Variants in SYT9 observed in about 807,000 individuals in gnomAD.
The protein encoded by SYT9 is synaptotagmin-9.
In SYT9, 22 loss-of-function variants were observed where a neutral mutation model predicts 48.4. The observed-to-expected ratio is 0.45, with a 90% confidence interval of 0.32 to 0.65. SYT9 has a LOEUF of 0.65. Among genes scored for constraint, SYT9 ranks in the 30% least tolerant of loss-of-function variants. The pLI is 0.03. For synonymous variants in SYT9, 265 were observed against 245.0 expected (o/e 1.08, Z -0.76); for missense variants, 577 against 622.0 (o/e 0.93, Z 0.77).
At chr11:7,402,304 A>G (rs1226816353) in intron 3 of SYT9, among the ~76,000 whole-genome samples, 1 of 152,010 alleles carries the variant, frequency 6.6e-6, no homozygotes, top group Admixed American at 6.6e-5. Context: ...CTGTTGTAGG[A>G]TGGAGTATTG....
At chr11:7,248,181 T>C (rs535021186), upstream of SYT9, among the ~76,000 whole-genome samples, 4 of 152,328 alleles carry the variant, frequency 2.6e-5, no homozygotes, top group South Asian at 2.1e-4. Context: ...TGTTTGTTTT[T>C]TTCGTGTTGA....
intron 3 of SYT9, among the ~76,000 whole-genome samples, chr11:7,337,532 T>C (rs1164621981): frequency 6.6e-6 from 1 of 152,066 alleles, no homozygotes; most frequent in Non-Finnish European, 1.5e-5. Flanking sequence ...TTTTGAAGTA[T>C]GTTCCTTCAA....
At chr11:7,379,922 C>T (rs1850529631) in intron 3 of SYT9, among the ~76,000 whole-genome samples, 1 of 152,078 alleles carries the variant, frequency 6.6e-6, no homozygotes, top group South Asian at 2.1e-4. Flanking sequence ...CCATATGATC[C>T]AGCAGTCCCA....
intron 1 of SYT9, among the ~76,000 whole-genome samples, chr11:7,240,343 T>C (rs909466211): frequency 1.3e-5 from 2 of 152,158 alleles, no homozygotes; most frequent in Admixed American, 6.5e-5. Flanking sequence ...TAAGTGAGTT[T>C]CACTGTCAAT....
At chr11:7,300,562 C>T (rs1848900088) in intron 1 of SYT9, among the ~76,000 whole-genome samples, 1 of 152,258 alleles carries the variant, frequency 6.6e-6, no homozygotes, top group Non-Finnish European at 1.5e-5. Flanking sequence ...TGTGCCCCTT[C>T]TCCAGCCTTT....
At chr11:7,333,987 C>T (rs972612523) in intron 3 of SYT9, among the ~76,000 whole-genome samples, 13 of 152,132 alleles carry the variant, frequency 8.5e-5, no homozygotes, top group Admixed American at 1.3e-4. Context: ...GCAAGCGCTT[C>T]CTGTGGCACC....
chr11:7,397,698 A>G (rs1023107256), intron 3 of SYT9, among the ~76,000 whole-genome samples: 19 of 152,054 alleles, frequency 1.2e-4, no homozygotes, highest in African/African-American at 4.1e-4. Flanking sequence ...TTCTCTCATC[A>G]ATGTTGGTAG....
At chr11:7,387,384 AAAG>A (rs1850683028) in intron 3 of SYT9, among the ~76,000 whole-genome samples, 1 of 152,172 alleles carries the variant, frequency 6.6e-6, no homozygotes, top group African/African-American at 2.4e-5. Flanking sequence ...ATAAAATAAA[AAAG>A]GCAATTTATT....
At chr11:7,431,922 T>C (rs56868017) in intron 6 of SYT9, among the ~76,000 whole-genome samples, 56,101 of 152,120 alleles carry the variant, frequency 0.37, 10,536 homozygotes, top group Middle Eastern at 0.47. Flanking sequence ...GCTGCAGGGG[T>C]TGAGCCCTCC....
At chr11:7,334,655 A>AATCCCCGCCACCC (rs1168253141) in intron 3 of SYT9, among the ~76,000 whole-genome samples, 1 of 139,358 alleles carries the variant, frequency 7.2e-6, no homozygotes, top group Non-Finnish European at 1.6e-5. Context: ...CCATCCCCCC[A>AATCCCCGCCACCC]ATCCCCAGGC....
At chr11:7,345,183 T>C (rs556015325) in intron 3 of SYT9, among the ~76,000 whole-genome samples, 1 of 152,274 alleles carries the variant, frequency 6.6e-6, no homozygotes, top group South Asian at 2.1e-4. Flanking sequence ...CTGCAAATTC[T>C]AGGGGGGATG....
intron 3 of SYT9, among the ~76,000 whole-genome samples, chr11:7,376,345 T>TTTCTTTCCTTCCTTCCTTCC (rs1850454290): frequency 1.4e-5 from 2 of 142,666 alleles, no homozygotes; most frequent in South Asian, 2.4e-4. Flanking sequence ...TCCCTCTTTC[T>TTTCTTTCCTTCCTTCCTTCC]TTCCTTCCTT....
At chr11:7,420,676 A>C in intron 6 of SYT9, 41 bp downstream of exon 6, 1 of 1,610,318 alleles carries the variant, frequency 6.2e-7, no homozygotes, top group Non-Finnish European at 8.5e-7. Context: ...CATAAGAGTA[A>C]ATGCTTTACT....
intron 3 of SYT9, among the ~76,000 whole-genome samples, chr11:7,332,919 A>G (rs997570297): frequency 6.6e-6 from 1 of 152,244 alleles, no homozygotes. Flanking sequence ...CTGGGACTAC[A>G]TTTAATGGTC....
At chr11:7,282,763 T>C (rs968581964) in intron 1 of SYT9, among the ~76,000 whole-genome samples, 10 of 152,188 alleles carry the variant, frequency 6.6e-5, no homozygotes, top group Admixed American at 5.9e-4. Flanking sequence ...CAGCCCCTTT[T>C]GATCCCTTTA....
intron 3 of SYT9, among the ~76,000 whole-genome samples, chr11:7,359,077 A>C: frequency 6.8e-6 from 1 of 147,010 alleles, no homozygotes; most frequent in Admixed American, 6.9e-5. Context: ...TTCAATTCCC[A>C]CCTATGAGTG....
intron 6 of SYT9, among the ~76,000 whole-genome samples, chr11:7,458,749 G>C (rs1434837016): frequency 6.6e-6 from 1 of 152,136 alleles, no homozygotes. Context: ...GGGGGATGCA[G>C]GAGAGAAAAA....
At chr11:7,433,017 G>C (rs1051881600) in intron 6 of SYT9, among the ~76,000 whole-genome samples, 45 of 152,100 alleles carry the variant, frequency 3.0e-4, no homozygotes, top group African/African-American at 1.1e-3. Context: ...TAATGTTGGA[G>C]GCAGGACCTG....
At position 7,278,219 on chromosome 11, in the gene SYT9, G is replaced by T. The variant is rs55788457; in HGVS notation, c.146-24820G>T. ...CTCAGGCCTCTCTTCTTCTTATAAA[G>T]CAATCACTTCCCCTCCCATGATAAC... On this transcript the variant is annotated intron_variant, in intron 1 of 6. Coordinates refer to ENST00000318881, the MANE Select transcript of SYT9 (RefSeq NM_175733.4). Among the ~76,000 whole-genome samples, 391 of 152,230 alleles carry T rather than the reference G, an allele frequency of 2.6e-3. 2 individuals carry two copies. The highest frequency in any genetic ancestry group is 4.6e-3 in the Non-Finnish European group (310 of 68,012).
Sources: gnomAD v4.1 joint callset for allele counts (sites outside exome capture counted in the v4.1 genomes callset) on GRCh38, gnomAD v4.1.1 for gene constraint, MANE v1.5 for transcripts, NCBI Gene and HGNC (gene_info 2026-07-23, HGNC 2026-07-21) for gene names.